CNPY1: variants seen among roughly 807,000 people sequenced by gnomAD.
The protein encoded by CNPY1 is canopy FGF signaling regulator 1, also known as protein canopy homolog 1.
A neutral mutation model predicts 14.4 loss-of-function variants in CNPY1; 14 were observed. The ratio of observed to expected loss-of-function variants is 0.97; its 90% CI spans 0.64 to 1.52. CNPY1 has a LOEUF of 1.52. CNPY1 is among the 40% of genes most tolerant of loss of function. The pLI, the probability that CNPY1 is intolerant of heterozygous loss-of-function variation, is 0.00. For synonymous variants in CNPY1, 43 were observed against 46.5 expected (o/e 0.92, Z 0.31); for missense variants, 129 against 131.5 (o/e 0.98, Z 0.09).
intron 2 of CNPY1, among the ~76,000 whole-genome samples, chr7:155,522,058 C>T (rs1008524210): frequency 3.3e-5 from 5 of 152,370 alleles, no homozygotes; most frequent in East Asian, 1.9e-4. Context: ...TGAACACGCA[C>T]GTGCACACAC....
chr7:155,540,476 C>A (rs531617594), intron 2 of CNPY1, among the ~76,000 whole-genome samples: 1 of 152,218 alleles, frequency 6.6e-6, no homozygotes, highest in Non-Finnish European at 1.5e-5. Context: ...TACAGTGGCC[C>A]AGTTTACCTC....
chr7:155,527,608 ATTTT>A (rs750783721), intron 2 of CNPY1, among the ~76,000 whole-genome samples: 6 of 135,714 alleles, frequency 4.4e-5, no homozygotes, highest in Admixed American at 2.2e-4. Context: ...CACCCTGCTA[ATTTT>A]TTTTTTTTTT....
At chr7:155,518,826 C>T (rs530332926) in intron 2 of CNPY1, among the ~76,000 whole-genome samples, 28 of 152,246 alleles carry the variant, frequency 1.8e-4, no homozygotes, top group Admixed American at 1.0e-3. Flanking sequence ...TACTCAGGGA[C>T]GGGCAGCCTG....
chr7:155,522,151 T>C (rs964430204), intron 2 of CNPY1, among the ~76,000 whole-genome samples: 1 of 152,252 alleles, frequency 6.6e-6, no homozygotes, highest in Admixed American at 6.5e-5. Context: ...ATCTTCTACC[T>C]GTTGGCATTG....
intron 2 of CNPY1, among the ~76,000 whole-genome samples, chr7:155,528,796 C>G (rs902151219): frequency 5.9e-5 from 9 of 152,226 alleles, no homozygotes; most frequent in African/African-American, 2.2e-4. Flanking sequence ...CGCGGTGGCT[C>G]ACACCTGTAA....
At chr7:155,519,726 C>T (rs901948577) in intron 2 of CNPY1, among the ~76,000 whole-genome samples, 7 of 152,286 alleles carry the variant, frequency 4.6e-5, no homozygotes, top group Non-Finnish European at 1.0e-4. Context: ...ATGAAATTCA[C>T]ACCTGAAGGG....
intron 2 of CNPY1, among the ~76,000 whole-genome samples, chr7:155,529,822 G>A (rs11761891): frequency 0.19 from 28,382 of 149,158 alleles, 2,762 homozygotes; most frequent in South Asian, 0.4. Flanking sequence ...TCACTCTGTC[G>A]CGCACGCTGG....
chr7:155,506,886 G>A (rs1437576182), intron 4 of CNPY1, 134 bp downstream of exon 4: 2 of 665,194 alleles, frequency 3.0e-6, no homozygotes, highest in South Asian at 1.6e-5. Flanking sequence ...TGATTCAGCG[G>A]AGACGGGGGA....
chr7:155,541,010 G>T (rs1272362849), intron 2 of CNPY1, among the ~76,000 whole-genome samples: 1 of 152,244 alleles, frequency 6.6e-6, no homozygotes, highest in Non-Finnish European at 1.5e-5. Flanking sequence ...AATAACCGCA[G>T]TGCTGAGATG....
intron 2 of CNPY1, among the ~76,000 whole-genome samples, chr7:155,527,054 C>CTTTCTTTCTTTTTTT (rs56296833): frequency 3.3e-5 from 3 of 90,360 alleles, no homozygotes; most frequent in African/African-American, 5.0e-5. Context: ...TTCTTTCTTT[C>CTTTCTTTCTTTTTTT]TTTTTTTTTT....
At chr7:155,540,679 G>A (rs902655759) in intron 2 of CNPY1, among the ~76,000 whole-genome samples, 6 of 152,206 alleles carry the variant, frequency 3.9e-5, no homozygotes, top group African/African-American at 7.2e-5. Context: ...CAATTCCCTC[G>A]GTGAACACAC....
intron 2 of CNPY1, among the ~76,000 whole-genome samples, chr7:155,539,247 C>T (rs185840899): frequency 7.1e-4 from 108 of 152,358 alleles, no homozygotes; most frequent in Non-Finnish European, 1.4e-3. Context: ...GCTACCGTAT[C>T]ATGCTGAGGA....
chr7:155,516,323 A>G (rs1188134846), intron 2 of CNPY1, among the ~76,000 whole-genome samples: 1 of 152,252 alleles, frequency 6.6e-6, no homozygotes, highest in African/African-American at 2.4e-5. Context: ...TTTCAGTAAC[A>G]GTGTTCGAGA....
chr7:155,512,072 T>C (rs1477414075), intron 2 of CNPY1, among the ~76,000 whole-genome samples: 1 of 152,176 alleles, frequency 6.6e-6, no homozygotes, highest in Non-Finnish European at 1.5e-5. Flanking sequence ...GAAGTCTTTC[T>C]ATACTGTGAA....
rs1324299095 is a variant in CNPY1 at position 155,503,158 on chromosome 7, C to T, written c.401-53G>A. ...ATCATTATCACTTTAGACTCCAGCC[C>T]GTTAAGTCATTTACATTATGCAAAA... is the stretch of plus-strand genomic sequence containing the variant. On this transcript the variant is annotated intron_variant, in intron 4 of 4. Transcript: ENST00000636446. 7.8e-6 allele frequency: 11 copies of T among 1,418,004 alleles called. No individual in the cohort carries two copies. The South Asian group carries it at 1.2e-4, about 16-fold the overall frequency. 87.8% of individuals were successfully genotyped at this position (1,418,004 alleles called of 1,614,324 possible).
intron 2 of CNPY1, among the ~76,000 whole-genome samples, chr7:155,522,552 G>A (rs1472496687): frequency 6.6e-6 from 1 of 152,248 alleles, no homozygotes; most frequent in Non-Finnish European, 1.5e-5. Context: ...CTCTTGCTCA[G>A]GGTCACAAAA....
At chr7:155,511,548 G>C (rs931532674) in intron 2 of CNPY1, among the ~76,000 whole-genome samples, 1 of 152,156 alleles carries the variant, frequency 6.6e-6, no homozygotes, top group Non-Finnish European at 1.5e-5. Flanking sequence ...TGACATGTTT[G>C]AATATGCTAC....
intron 2 of CNPY1, among the ~76,000 whole-genome samples, chr7:155,516,533 A>G (rs1219035059): frequency 2.0e-5 from 3 of 151,560 alleles, no homozygotes; most frequent in African/African-American, 4.9e-5. Context: ...AGGCTGCGGT[A>G]TGACCAGGAG....
At chr7:155,543,021 A>C (rs1437369971) in intron 2 of CNPY1, among the ~76,000 whole-genome samples, 2 of 151,746 alleles carry the variant, frequency 1.3e-5, no homozygotes, top group Non-Finnish European at 2.9e-5. Flanking sequence ...TCCCCTTAGG[A>C]ACTCGGATTC....
Sources: allele counts gnomAD v4.1 joint callset (sites outside exome capture counted in the v4.1 genomes callset), GRCh38; gene constraint gnomAD v4.1.1; transcripts MANE v1.5; gene names NCBI Gene and HGNC (gene_info 2026-07-23, HGNC 2026-07-21).